The following CADM1 variants were observed in gnomAD, a reference collection of about 807,000 sequenced individuals.
CADM1 encodes the protein cell adhesion molecule 1.
Under a neutral mutation model 53.1 loss-of-function variants are expected in CADM1, and 15 were observed. The observed-to-expected ratio is 0.28, with a 90% CI of 0.19 to 0.44. The LOEUF is 0.44. CADM1 is among the 20% of genes least tolerant of loss of function. The pLI is 1.00. For synonymous variants in CADM1, 281 were observed against 243.0 expected (o/e 1.16, Z -1.45); for missense variants, 434 against 611.3 (o/e 0.71, Z 3.06).
intron 1 of CADM1, among the ~76,000 whole-genome samples, chr11:115,343,285 T>TA (rs1945495621): frequency 6.6e-6 from 1 of 152,178 alleles, no homozygotes; most frequent in South Asian, 2.1e-4. Context: ...ATCTTACATA[T>TA]ATAGAGCTTG....
At chr11:115,251,735 G>A (rs1942612341) in intron 1 of CADM1, among the ~76,000 whole-genome samples, 1 of 152,168 alleles carries the variant, frequency 6.6e-6, no homozygotes, top group Non-Finnish European at 1.5e-5. Context: ...AAGTGCTAGT[G>A]GTTTTTTGTT....
intron 1 of CADM1, among the ~76,000 whole-genome samples, chr11:115,289,583 C>CT (rs1242394605): frequency 3.8e-5 from 4 of 104,564 alleles, no homozygotes; most frequent in South Asian, 3.1e-4. Flanking sequence ...ACTGAATTTT[C>CT]TTTTTTTTTC....
chr11:115,228,640 T>C (rs1027448733), intron 5 of CADM1, among the ~76,000 whole-genome samples: 1 of 152,178 alleles, frequency 6.6e-6, no homozygotes, highest in African/African-American at 2.4e-5. Context: ...GCCATCAAGA[T>C]TGTGGCAATG....
intron 1 of CADM1, among the ~76,000 whole-genome samples, chr11:115,311,943 G>GTTT (rs1944542673): frequency 6.6e-6 from 1 of 151,982 alleles, no homozygotes; most frequent in Non-Finnish European, 1.5e-5. Context: ...TTCACCTATC[G>GTTT]GCACAAGGAT....
chr11:115,329,022 T>C (rs1945062413), intron 1 of CADM1, among the ~76,000 whole-genome samples: 2 of 151,974 alleles, frequency 1.3e-5, no homozygotes, highest in African/African-American at 2.4e-5. Context: ...TAATGAACTA[T>C]TAAATTTAAA....
At chr11:115,178,458 A>C (rs1939139989) in intron 11 of CADM1, among the ~76,000 whole-genome samples, 186 bp downstream of exon 11, 1 of 151,254 alleles carries the variant, frequency 6.6e-6, no homozygotes, top group African/African-American at 2.4e-5. Context: ...AGTCCTAATC[A>C]GCGGCTGCTA....
intron 8 of CADM1, among the ~76,000 whole-genome samples, chr11:115,201,588 C>T (rs1463998471): frequency 6.6e-6 from 1 of 152,008 alleles, no homozygotes; most frequent in African/African-American, 2.4e-5. Context: ...ACATTCTAAG[C>T]GTAGAGGCAA....
chr11:115,223,918 A>T (rs1941496781), intron 5 of CADM1, among the ~76,000 whole-genome samples: 1 of 151,530 alleles, frequency 6.6e-6, no homozygotes, highest in Admixed American at 6.6e-5. Context: ...GCTTTAAAAA[A>T]AAAATAAAAG....
chr11:115,362,252 T>C (rs1187138636), intron 1 of CADM1, among the ~76,000 whole-genome samples: 1 of 152,158 alleles, frequency 6.6e-6, no homozygotes, highest in East Asian at 1.9e-4. Context: ...TAGTATAAAA[T>C]AAAATAAAAC....
At chr11:115,455,313 C>CA (rs1309094705) in intron 1 of CADM1, among the ~76,000 whole-genome samples, 1 of 150,590 alleles carries the variant, frequency 6.6e-6, no homozygotes, top group Admixed American at 6.6e-5. Flanking sequence ...TGGATGTCTT[C>CA]AGTGAGTTTT....
chr11:115,463,929 G>A (rs183041279), intron 1 of CADM1, among the ~76,000 whole-genome samples: 2 of 152,108 alleles, frequency 1.3e-5, no homozygotes, highest in African/African-American at 4.8e-5. Context: ...GCTGCCAGGT[G>A]CAAATTAATT....
intron 1 of CADM1, among the ~76,000 whole-genome samples, chr11:115,418,578 A>G (rs1452619144): frequency 6.6e-6 from 1 of 152,228 alleles, no homozygotes; most frequent in Non-Finnish European, 1.5e-5. Flanking sequence ...TGCAAATTGC[A>G]TTCAGTGTAA....
intron 1 of CADM1, among the ~76,000 whole-genome samples, chr11:115,316,368 G>T (rs1944666416): frequency 6.6e-6 from 1 of 152,066 alleles, no homozygotes; most frequent in South Asian, 2.1e-4. Context: ...TCTGAACAAG[G>T]CTCTGTTCAC....
intron 1 of CADM1, among the ~76,000 whole-genome samples, chr11:115,492,820 G>A (rs1949527398): frequency 6.6e-6 from 1 of 151,972 alleles, no homozygotes; most frequent in Admixed American, 6.6e-5. Context: ...TGATTTAAAT[G>A]AATAAACATT....
intron 1 of CADM1, among the ~76,000 whole-genome samples, chr11:115,358,413 G>A (rs940343115): frequency 6.6e-6 from 1 of 152,158 alleles, no homozygotes; most frequent in Non-Finnish European, 1.5e-5. Context: ...ACAGACAAGA[G>A]AGAAGAACAG....
intron 1 of CADM1, among the ~76,000 whole-genome samples, chr11:115,254,557 CACACACA>C (rs1381663633): frequency 3.0e-5 from 4 of 134,588 alleles, no homozygotes; most frequent in African/African-American, 1.2e-4. Context: ...CAAACACACA[CACACACA>C]CACACACACA....
intron 1 of CADM1, among the ~76,000 whole-genome samples, chr11:115,442,839 CCT>C (rs1179071601): frequency 1.3e-5 from 2 of 152,176 alleles, no homozygotes; most frequent in African/African-American, 2.4e-5. Flanking sequence ...GTCCACCACC[CCT>C]GAGGACAAGA....
In CADM1 at chr11:115,229,275, G is replaced by A. The variant is rs12276946; in HGVS notation, c.563-4C>T. ...CACTCTTCCACCTCCGATTTGCCTG[G>A]GGAACAGAAAATGTACCAAGACACC... On this transcript the variant is annotated splice_polypyrimidine_tract_variant and splice_region_variant and intron_variant, in intron 4 of 11. Transcript: ENST00000331581. 4,006 of 1,613,914 alleles carry A rather than the reference G, an allele frequency of 2.5e-3. 82 individuals are homozygous for A. In the African/African-American group the frequency reaches 0.045, roughly 18 times the overall value.
At chr11:115,186,672 A>G (rs1436376902) in intron 10 of CADM1, among the ~76,000 whole-genome samples, 1 of 152,154 alleles carries the variant, frequency 6.6e-6, no homozygotes, top group Non-Finnish European at 1.5e-5. Flanking sequence ...TAACAATCTC[A>G]GGAGATTTTC....
Sources: allele counts gnomAD v4.1 joint callset (sites outside exome capture counted in the v4.1 genomes callset), GRCh38; gene constraint gnomAD v4.1.1; transcripts MANE v1.5; gene names NCBI Gene and HGNC (gene_info 2026-07-23, HGNC 2026-07-21).